The following TMEM170B variants were observed in gnomAD, a reference collection of about 807,000 sequenced individuals.
The protein encoded by TMEM170B is transmembrane protein 170B.
TMEM170B carries 6 observed loss-of-function variants against 13.0 expected under a neutral mutation model. The observed-to-expected ratio is 0.46, with a 90% CI of 0.25 to 0.91. The LOEUF is 0.91. Ranked by LOEUF, TMEM170B falls within the 40% of genes least tolerant of loss-of-function variation. TMEM170B has a pLI of 0.17. For synonymous variants in TMEM170B, 61 were observed against 64.9 expected (o/e 0.94, Z 0.29); for missense variants, 138 against 165.2 (o/e 0.84, Z 0.90).
In TMEM170B at chr6:11,568,864, A is replaced by G. The variant is rs978235415; in HGVS notation, c.268+3028A>G. The stretch of plus-strand genomic sequence containing the variant: ...GCTGACTGAATATAGTTACATATTC[A>G]TTATATTTTGCTACTTCTTAGATTT... On this transcript the variant is annotated intron_variant, in intron 2 of 2. Transcript: ENST00000379426. 5.3e-5 allele frequency among the ~76,000 whole-genome samples: 8 copies of G among 152,260 alleles called. No homozygotes were observed. In the South Asian group the frequency reaches 1.2e-3, roughly 24 times the overall value.
At chr6:11,564,378 T>C (rs1348078752) in intron 1 of TMEM170B, among the ~76,000 whole-genome samples, 1 of 152,246 alleles carries the variant, frequency 6.6e-6, no homozygotes, top group East Asian at 1.9e-4. Context: ...TTTAATGATA[T>C]TTGGATACAT....
At chr6:11,542,909 C>T (rs1244972203) in intron 1 of TMEM170B, among the ~76,000 whole-genome samples, 2 of 152,148 alleles carry the variant, frequency 1.3e-5, no homozygotes, top group Non-Finnish European at 2.9e-5. Flanking sequence ...CTTCAAAGTA[C>T]ATTTGAAAGG....
rs183052133 is a variant in TMEM170B, at chr6:11,562,094, G to C, written c.98-3572G>C. Among the ~76,000 whole-genome samples the C allele has an allele frequency of 3.3e-3, 503 of 152,220 alleles. 2 individuals carry two copies. Among genetic ancestry groups the C allele is most frequent in the African/African-American group, 0.011 (475 of 41,524 alleles). Reference sequence around the variant, plus strand: ...GGATTGTTGACTTTTGTATTGAAGAGCCTGTGGTTGTTGCAGAGCCTTTCC... The same window carrying C: ...GGATTGTTGACTTTTGTATTGAAGACCCTGTGGTTGTTGCAGAGCCTTTCC... On this transcript the variant is annotated intron_variant, in intron 1 of 2. Coordinates refer to ENST00000379426, the MANE Select transcript of TMEM170B (RefSeq NM_001100829.3).
intron 2 of TMEM170B, among the ~76,000 whole-genome samples, chr6:11,570,931 C>A (rs1759789954): frequency 6.6e-6 from 1 of 152,118 alleles, no homozygotes; most frequent in Admixed American, 6.5e-5. Flanking sequence ...AAATGTTAAT[C>A]TCTGGATTTT....
rs954438755 is a variant in TMEM170B, at chr6:11,576,962, A to G, written c.*1401A>G. 1 of 152,112 alleles carries G rather than the reference A, an allele frequency of 6.6e-6. No individual in the cohort carries two copies. Among genetic ancestry groups the G allele is most frequent in the African/African-American group, 2.4e-5 (1 of 41,442 alleles). 9.4% of individuals were successfully genotyped at this position (152,112 alleles called of 1,614,324 possible). ...GGAAGTAGGGTTGAACTGGTCTCCT[A>G]ATGAGATTTTTTTTGGCACCAGATA... On this transcript the variant is annotated 3_prime_UTR_variant, in exon 3 of 3. Transcript: ENST00000379426.
At chr6:11,545,737 TAAAA>T (rs60136980) in intron 1 of TMEM170B, among the ~76,000 whole-genome samples, 1 of 147,348 alleles carries the variant, frequency 6.8e-6, no homozygotes. Flanking sequence ...CCTACTTGTT[TAAAA>T]AAAAAAGCTG....
chr6:11,550,290 C>A (rs73357837), intron 1 of TMEM170B, among the ~76,000 whole-genome samples: 1,640 of 151,904 alleles, frequency 0.011, 40 homozygotes, highest in African/African-American at 0.036. Context: ...CTCTTGCTTC[C>A]GCCCCCAAGT....
chr6:11,571,933 AACTC>A, intron 2 of TMEM170B, among the ~76,000 whole-genome samples: 1 of 152,194 alleles, frequency 6.6e-6, no homozygotes, highest in Non-Finnish European at 1.5e-5. Flanking sequence ...TGTGAAGAGA[AACTC>A]AATCACATTA....
intron 1 of TMEM170B, among the ~76,000 whole-genome samples, chr6:11,550,453 A>G (rs933465465): frequency 2.0e-5 from 3 of 151,772 alleles, no homozygotes; most frequent in Non-Finnish European, 2.9e-5. Context: ...GATTACAGGC[A>G]TGAGCCACTG....
rs149951820 is a variant in TMEM170B at position 11,579,297 on chromosome 6, A to C, written c.*3736A>C. 1 of 152,332 alleles carries C rather than the reference A, an allele frequency of 6.6e-6. No homozygotes were observed. Among genetic ancestry groups the C allele is most frequent in the South Asian group, 2.1e-4 (1 of 4,824 alleles). 9.4% of individuals were successfully genotyped at this position (152,332 alleles called of 1,614,324 possible). ...CTTGTCAACTTTTTGACCTTGAGCAAATCACTTAACTTCTCTGAGCCTCAG... is the reference window on the plus strand; with the variant it reads ...CTTGTCAACTTTTTGACCTTGAGCACATCACTTAACTTCTCTGAGCCTCAG... On this transcript the variant is annotated 3_prime_UTR_variant, in exon 3 of 3. Coordinates refer to ENST00000379426, the MANE Select transcript of TMEM170B (RefSeq NM_001100829.3).
intron 1 of TMEM170B, among the ~76,000 whole-genome samples, chr6:11,559,846 A>C (rs962118718): frequency 1.2e-4 from 18 of 151,856 alleles, no homozygotes; most frequent in African/African-American, 4.3e-4. Context: ...TATATATATA[A>C]AATATATAAA....
At chr6:11,560,671 A>G (rs1344438812) in intron 1 of TMEM170B, among the ~76,000 whole-genome samples, 1 of 152,100 alleles carries the variant, frequency 6.6e-6, no homozygotes, top group Non-Finnish European at 1.5e-5. Context: ...CCAGTTTAAA[A>G]TAGTAAAGAA....
At position 11,580,634 on chromosome 6, in the gene TMEM170B, A is replaced by T. The variant is rs752439904; in HGVS notation, c.*5073A>T. On this transcript the variant is annotated 3_prime_UTR_variant, in exon 3 of 3. Coordinates refer to ENST00000379426, the MANE Select transcript of TMEM170B (RefSeq NM_001100829.3). ...GAATTGTTAAAACGGACCAATAATCAAATGGTTTTATAATCTTTCTTAACT... is the reference window on the plus strand; with the variant it reads ...GAATTGTTAAAACGGACCAATAATCTAATGGTTTTATAATCTTTCTTAACT... 2.0e-5 allele frequency: 3 copies of T among 152,246 alleles called. No homozygotes were observed. The highest frequency in any genetic ancestry group is 4.4e-5 in the Non-Finnish European group (3 of 68,038). The allele number at this position is 152,246 out of a possible 1,614,324, so 9.4% of individuals were successfully genotyped here. A position where few individuals can be genotyped will look rare whatever the true frequency, so the allele number is the denominator to read the frequency against.
In TMEM170B at chr6:11,582,308, C is replaced by G. The variant is rs988901026; in HGVS notation, c.*6747C>G. ...GGCAGATTTTAAAAGCTAAATGAAG[C>G]CTTAGTGCCTTGAAAGTTAAGATAC... On this transcript the variant is annotated 3_prime_UTR_variant, in exon 3 of 3. Coordinates refer to ENST00000379426, the MANE Select transcript of TMEM170B (RefSeq NM_001100829.3). The G allele has an allele frequency of 6.6e-6, 1 of 152,132 alleles. No individual in the cohort carries two copies. The highest frequency in any genetic ancestry group is 6.6e-5 in the Admixed American group (1 of 15,264). The allele number at this position is 152,132 out of a possible 1,614,324, so 9.4% of individuals were successfully genotyped here.
At chr6:11,548,205 A>G (rs548107933) in intron 1 of TMEM170B, among the ~76,000 whole-genome samples, 1 of 152,364 alleles carries the variant, frequency 6.6e-6, no homozygotes, top group East Asian at 1.9e-4. Flanking sequence ...GCTAATATCT[A>G]GAATCTGCAA....
At chr6:11,554,278 CA>C (rs1759560817) in intron 1 of TMEM170B, among the ~76,000 whole-genome samples, 2 of 151,656 alleles carry the variant, frequency 1.3e-5, no homozygotes, top group South Asian at 4.2e-4. Context: ...AAACATGAAT[CA>C]AAAAATGTTT....
chr6:11,554,768 G>T (rs1759567803), intron 1 of TMEM170B, among the ~76,000 whole-genome samples: 1 of 152,048 alleles, frequency 6.6e-6, no homozygotes, highest in South Asian at 2.1e-4. Context: ...GCTCTTGAAG[G>T]TGTCACAATT....
At chr6:11,550,046 C>A (rs1385763574) in intron 1 of TMEM170B, among the ~76,000 whole-genome samples, 9 of 152,074 alleles carry the variant, frequency 5.9e-5, no homozygotes, top group African/African-American at 2.2e-4. Flanking sequence ...CTGTGTTGCC[C>A]AGGCTGGTCT....
chr6:11,546,440 T>A (rs1315473410), intron 1 of TMEM170B, among the ~76,000 whole-genome samples: 1 of 152,210 alleles, frequency 6.6e-6, no homozygotes, highest in Non-Finnish European at 1.5e-5. Context: ...AAAAATATTT[T>A]AAAAATAAAT....
Sources: gnomAD v4.1 joint callset for allele counts (sites outside exome capture counted in the v4.1 genomes callset) on GRCh38, gnomAD v4.1.1 for gene constraint, MANE v1.5 for transcripts, NCBI Gene and HGNC (gene_info 2026-07-23, HGNC 2026-07-21) for gene names.